The following MTTP variants were observed in gnomAD, a reference collection of about 807,000 sequenced individuals.
MTTP encodes the protein microsomal triglyceride transfer protein large subunit.
In MTTP, 49 loss-of-function variants were observed where a neutral mutation model predicts 90.6. The ratio of observed to expected loss-of-function variants is 0.54; its 90% CI spans 0.43 to 0.69. The LOEUF is 0.69. Ranked by LOEUF, MTTP falls within the 30% of genes least tolerant of loss-of-function variation. MTTP has a pLI of 0.00. For missense variants in MTTP, 945 were observed against 1,067.5 expected (o/e 0.89, Z 1.60); for synonymous variants, 347 against 384.2 (o/e 0.90, Z 1.13).
intron 1 of MTTP, among the ~76,000 whole-genome samples, chr4:99,577,801 T>A (rs901877779): frequency 6.6e-6 from 1 of 152,166 alleles, no homozygotes; most frequent in African/African-American, 2.4e-5. Context: ...ATGGTTGGAC[T>A]ATTTTCAGCG....
chr4:99,618,773 A>G (rs977996594), intron 15 of MTTP, among the ~76,000 whole-genome samples: 3 of 152,188 alleles, frequency 2.0e-5, no homozygotes, highest in Non-Finnish European at 2.9e-5. Flanking sequence ...TTAATTGACT[A>G]ATTAATTTAG....
At chr4:99,590,087 G>A (rs912087049) in intron 4 of MTTP, among the ~76,000 whole-genome samples, 1 of 151,374 alleles carries the variant, frequency 6.6e-6, no homozygotes, top group Admixed American at 6.6e-5. Context: ...TCAGTAGATC[G>A]GGGAGGACCC....
intron 6 of MTTP, 84 bp downstream of exon 6, chr4:99,591,874 G>T (rs1578241491): frequency 6.6e-6 from 7 of 1,064,482 alleles, no homozygotes; most frequent in Non-Finnish European, 8.1e-6. Flanking sequence ...CTGTGTTTGT[G>T]TGTGTGTGTG....
At chr4:99,591,052 G>A (rs1725404814) in intron 4 of MTTP, among the ~76,000 whole-genome samples, 183 bp from the exon 5 acceptor site, 1 of 152,088 alleles carries the variant, frequency 6.6e-6, no homozygotes, top group Admixed American at 6.6e-5. Context: ...CTCAACCAAA[G>A]AGAATGGGAG....
At chr4:99,580,341 G>A (rs999216449) in intron 1 of MTTP, among the ~76,000 whole-genome samples, 6 of 151,366 alleles carry the variant, frequency 4.0e-5, no homozygotes, top group South Asian at 2.1e-4. Flanking sequence ...TTGGGAGGCC[G>A]AGGTGGGTGG....
At chr4:99,582,554 C>T (rs1031065225) in intron 2 of MTTP, among the ~76,000 whole-genome samples, 2 of 152,150 alleles carry the variant, frequency 1.3e-5, no homozygotes. Flanking sequence ...GAACCAAGTA[C>T]TCCCCTGAAT....
At chr4:99,614,887 A>C (rs1029660270) in intron 15 of MTTP, among the ~76,000 whole-genome samples, 3 of 152,244 alleles carry the variant, frequency 2.0e-5, no homozygotes, top group African/African-American at 7.2e-5. Flanking sequence ...CTGTCAATAC[A>C]AATGTAGAAA....
intron 10 of MTTP, among the ~76,000 whole-genome samples, chr4:99,603,205 G>C (rs1403122293): frequency 6.6e-6 from 1 of 152,050 alleles, no homozygotes; most frequent in Non-Finnish European, 1.5e-5. Flanking sequence ...CATAAAATAT[G>C]TATGTTTCTG....
chr4:99,603,635 G>A (rs936776402), intron 10 of MTTP, among the ~76,000 whole-genome samples: 2 of 152,084 alleles, frequency 1.3e-5, no homozygotes, highest in Admixed American at 6.5e-5. Flanking sequence ...TGGTGATGCC[G>A]ACCACTTAAG....
Position 99,574,951 on chromosome 4 carries a change from A to G in MTTP, c.42A>G (p.Ser14=). The G allele has an allele frequency of 6.2e-7, 1 of 1,614,080 alleles. No individual in the cohort carries two copies. Among genetic ancestry groups the G allele is most frequent in the Non-Finnish European group, 8.5e-7 (1 of 1,180,020 alleles). Residue 14 remains serine (S), a synonymous_variant, in exon 1 of 18, where the codon TCA becomes TCG. Transcript: ENST00000265517. ...LAVLFLCFIS[S]YSASVKGHTT... ...TGCTTTTTCTCTGCTTCATTTCCTCATATTCAGCTTCTGTTAAAGGTAAGT... is the reference window on the plus strand; with the variant it reads ...TGCTTTTTCTCTGCTTCATTTCCTCGTATTCAGCTTCTGTTAAAGGTAAGT...
intron 1 of MTTP, among the ~76,000 whole-genome samples, chr4:99,577,606 A>AAAC: frequency 3.5e-5 from 1 of 28,314 alleles, no homozygotes; most frequent in Non-Finnish European, 6.7e-5. Context: ...ACTCTGTTTC[A>AAAC]AAAAAAAAAA....
intron 1 of MTTP, among the ~76,000 whole-genome samples, chr4:99,580,806 A>T (rs1725091652): frequency 6.6e-6 from 1 of 152,140 alleles, no homozygotes; most frequent in Admixed American, 6.5e-5. Context: ...ACGTGCTGTC[A>T]TATGTAGAGG....
chr4:99,611,541 TA>T, intron 14 of MTTP, 88 bp downstream of exon 14: 1 of 1,508,710 alleles, frequency 6.6e-7, no homozygotes, highest in South Asian at 1.1e-5. Flanking sequence ...TGGGTAATGC[TA>T]TAGAATGTAT....
chr4:99,580,574 C>CAAAAAAAAAAAA (rs563138284), intron 1 of MTTP, among the ~76,000 whole-genome samples: 27 of 39,882 alleles, frequency 6.8e-4, no homozygotes, highest in East Asian at 2.8e-3. Flanking sequence ...GACTCTGTCT[C>CAAAAAAAAAAAA]AAAAAAAAAA....
intron 11 of MTTP, among the ~76,000 whole-genome samples, chr4:99,607,362 A>G (rs1469431816): frequency 6.6e-6 from 1 of 152,232 alleles, no homozygotes; most frequent in Non-Finnish European, 1.5e-5. Flanking sequence ...GAATGTCTAT[A>G]AATCTCAAGA....
intron 3 of MTTP, among the ~76,000 whole-genome samples, chr4:99,588,344 G>C (rs1055987274): frequency 6.6e-6 from 1 of 152,120 alleles, no homozygotes; most frequent in Non-Finnish European, 1.5e-5. Flanking sequence ...AATTTTTACA[G>C]GGAACATGTA....
At chr4:99,572,446 ATT>A (rs963576266), upstream of MTTP, among the ~76,000 whole-genome samples, 29 of 151,882 alleles carry the variant, frequency 1.9e-4, no homozygotes, top group African/African-American at 6.8e-4. Context: ...CCCACCTGTA[ATT>A]TTTTTTAAGC....
chr4:99,589,731 G>A lies in MTTP; in HGVS notation c.482G>A (p.Ser161Asn). ...GLASLFQTQL[S>N]SGTTNEVDIS... Reference sequence around the variant, plus strand: ...GCTAGCCTATTTCAGACACAGTTAAGCTCTGGAACCACCAATGAGGTACTT... The same window carrying A: ...GCTAGCCTATTTCAGACACAGTTAAACTCTGGAACCACCAATGAGGTACTT... The change falls in exon 4 of 18, where the codon AGC (serine) becomes AAC (asparagine). Residue 161 changes from serine to asparagine, a missense_variant. Transcript: ENST00000265517. 2.5e-6 allele frequency: 4 copies of A among 1,591,954 alleles called. No individual in the cohort carries two copies. The highest frequency in any genetic ancestry group is 3.4e-6 in the Non-Finnish European group (4 of 1,160,696).
At chr4:99,576,671 G>A (rs1724970483) in intron 1 of MTTP, among the ~76,000 whole-genome samples, 2 of 140,234 alleles carry the variant, frequency 1.4e-5, no homozygotes, top group South Asian at 4.6e-4. Flanking sequence ...CTCCAGCCTG[G>A]GCGACAGAGC....
Sources: allele counts gnomAD v4.1 joint callset (sites outside exome capture counted in the v4.1 genomes callset), GRCh38; gene constraint gnomAD v4.1.1; transcripts MANE v1.5; gene names NCBI Gene and HGNC (gene_info 2026-07-23, HGNC 2026-07-21).